CLEC12A: variants seen among roughly 807,000 people sequenced by gnomAD.
CLEC12A encodes C-type lectin protein CLL-1.
CLEC12A carries 22 observed loss-of-function variants against 26.5 expected under a neutral mutation model. That is an observed-to-expected ratio of 0.83 (90% CI 0.59 to 1.19). The LOEUF (loss-of-function observed/expected upper bound fraction) is 1.19, where lower values mean the gene tolerates loss of function less well. Among genes scored for constraint, CLEC12A ranks in the 50% most tolerant of loss-of-function variants. The probability of loss-of-function intolerance (pLI) is 0.00; values close to 1 mark genes in which losing one functional copy is unlikely to be tolerated. For synonymous variants in CLEC12A, 119 were observed against 101.9 expected, an observed-to-expected ratio of 1.17 and a Z score of -1.01; for missense variants, 353 against 315.6, an observed-to-expected ratio of 1.12 and a Z score of -0.90.
At chr12:9,978,899 A>C (rs1383687932) in intron 1 of CLEC12A, 67 bp from the exon 2 acceptor site, 2 of 1,083,334 alleles carry the variant, frequency 1.8e-6, no homozygotes, top group Non-Finnish European at 2.9e-6. Context: ...GAATGAATGA[A>C]TGAGTAAATA....
chr12:9,967,227 C>T (rs183945595), upstream of CLEC12A, among the ~76,000 whole-genome samples: 577 of 151,528 alleles, frequency 3.8e-3, 4 homozygotes, highest in Non-Finnish European at 6.1e-3. Flanking sequence ...AGGGGACAGG[C>T]GGGAGGGAAA....
At chr12:9,962,728 A>G (rs1254217414) in intron 1 of CLEC12A, among the ~76,000 whole-genome samples, 1 of 152,078 alleles carries the variant, frequency 6.6e-6, no homozygotes, top group Non-Finnish European at 1.5e-5. Flanking sequence ...GGAACAGACC[A>G]TTTTCACTTC....
At chr12:9,966,777 C>T (rs1316067537), upstream of CLEC12A, among the ~76,000 whole-genome samples, 3 of 143,670 alleles carry the variant, frequency 2.1e-5, no homozygotes, top group Non-Finnish European at 4.6e-5. Context: ...TATTTAATGT[C>T]GGGAGCAGAT....
rs148321036 is a variant in CLEC12A at position 9,984,815 on chromosome 12, G to C, written c.642-55G>C. 36 of 1,362,900 alleles carry C rather than the reference G, an allele frequency of 2.6e-5. No homozygotes were observed. In the African/African-American group the frequency reaches 5.2e-4, roughly 20 times the overall value. The allele number at this position is 1,362,900 out of a possible 1,614,324, so 84.4% of individuals were successfully genotyped here. A position where few individuals can be genotyped will look rare whatever the true frequency, so the allele number is the denominator to read the frequency against. ...TTGGAAGTGTAATTTTTTTTTCTGT[G>C]AATATGTTTCAAATATCTGACTTGC... On this transcript the variant is annotated intron_variant, in intron 5 of 5. Transcript: ENST00000304361.
At chr12:9,954,375 G>A (rs1395693378) in intron 1 of CLEC12A, among the ~76,000 whole-genome samples, 1 of 152,024 alleles carries the variant, frequency 6.6e-6, no homozygotes. Flanking sequence ...CATACCTGTA[G>A]TCCCAGCTAC....
chr12:9,973,800 C>G (rs1327674005), intron 1 of CLEC12A, among the ~76,000 whole-genome samples: 3 of 152,044 alleles, frequency 2.0e-5, no homozygotes, highest in Non-Finnish European at 2.9e-5. Context: ...GACAGACTTC[C>G]GTAATTTTTT....
At chr12:9,979,094 G>C in intron 2 of CLEC12A, 30 bp downstream of exon 2, 2 of 1,516,826 alleles carry the variant, frequency 1.3e-6, no homozygotes, top group Non-Finnish European at 1.8e-6. Context: ...TTGTCAAGAG[G>C]AAGTATCTAG....
In CLEC12A at chr12:9,983,455, GA is replaced by G. The variant is rs557433851; in HGVS notation, c.641+1333del. The G allele has an allele frequency of 2.6e-3, 1,788 of 684,586 alleles. 33 individuals are homozygous for G. The African/African-American group carries it at 0.029, about 11-fold the overall frequency. 42.4% of individuals were successfully genotyped at this position (684,586 alleles called of 1,614,324 possible). On this transcript the variant is annotated intron_variant, in intron 5 of 5. Transcript: ENST00000304361. Reference sequence around the variant, plus strand: ...GTTGTATTTGTTCTGCTTATAATGGGAAAAAAAGTCTTTACATATAAAAATA... The same window carrying G: ...GTTGTATTTGTTCTGCTTATAATGGGAAAAAAGTCTTTACATATAAAAATA...
chr12:9,989,201 C>A (rs1362721703), downstream of CLEC12A, among the ~76,000 whole-genome samples: 2 of 94,344 alleles, frequency 2.1e-5, no homozygotes, highest in East Asian at 3.4e-4. Flanking sequence ...CATCACACAC[C>A]GGGGCCTGTT....
chr12:9,981,999 G>T, intron 4 of CLEC12A, 21 bp from the exon 5 acceptor site: 1 of 1,194,330 alleles, frequency 8.4e-7, no homozygotes, highest in South Asian at 1.3e-5. Context: ...TTCTTAAACA[G>T]ACTATCTGTA....
chr12:9,974,920 C>T (rs965723041), intron 1 of CLEC12A, among the ~76,000 whole-genome samples: 2 of 152,090 alleles, frequency 1.3e-5, no homozygotes, highest in Non-Finnish European at 2.9e-5. Flanking sequence ...GTAATTGAAT[C>T]ATGGGAGCGG....
At chr12:9,962,422 T>C (rs747222571) in intron 1 of CLEC12A, among the ~76,000 whole-genome samples, 1 of 152,162 alleles carries the variant, frequency 6.6e-6, no homozygotes, top group Non-Finnish European at 1.5e-5. Context: ...CTTTCCCTTT[T>C]TTCCGTTATA....
At chr12:10,003,029 T>TTGA in the CLEC12A span, among the ~76,000 whole-genome samples, 4 of 152,322 alleles carry the variant, frequency 2.6e-5, no homozygotes, top group Admixed American at 2.0e-4. Flanking sequence ...CAACAAGATG[T>TTGA]TGACCACTGT....
At chr12:9,964,859 G>A (rs634645) in intron 1 of CLEC12A, among the ~76,000 whole-genome samples, 37,512 of 151,938 alleles carry the variant, frequency 0.25, 5,079 homozygotes, top group South Asian at 0.46. Context: ...ACGAAAGAAG[G>A]AAATATGAGG....
At chr12:9,974,316 C>T (rs1864247888) in intron 1 of CLEC12A, among the ~76,000 whole-genome samples, 1 of 152,118 alleles carries the variant, frequency 6.6e-6, no homozygotes, top group African/African-American at 2.4e-5. Flanking sequence ...AGATGGAATA[C>T]TCTGAAGCCC....
upstream of CLEC12A, among the ~76,000 whole-genome samples, chr12:9,967,941 T>G (rs1864003529): frequency 6.6e-6 from 1 of 152,160 alleles, no homozygotes; most frequent in South Asian, 2.1e-4. Flanking sequence ...GTCTTCCCAA[T>G]TCCGTGACTG....
At chr12:9,977,540 T>C (rs577903630) in intron 1 of CLEC12A, among the ~76,000 whole-genome samples, 2 of 152,320 alleles carry the variant, frequency 1.3e-5, no homozygotes, top group South Asian at 4.1e-4. Flanking sequence ...CCTTAAATTA[T>C]TGTCTTTGAA....
exon 5 of CLEC12A, chr12:9,995,588 A>T (rs1220292520): frequency 2.9e-6 from 1 of 343,956 alleles, no homozygotes; most frequent in Non-Finnish European, 5.6e-6. Flanking sequence ...GAGAAAGGAA[A>T]TACAAAGAAA....
chr12:9,971,505 A>C lies in CLEC12A; in HGVS notation c.-92A>C. 6.7e-7 allele frequency: 1 copy of C among 1,492,640 alleles called. No homozygotes were observed. Among genetic ancestry groups the C allele is most frequent in the African/African-American group, 1.4e-5 (1 of 70,704 alleles). The allele number at this position is 1,492,640 out of a possible 1,614,324, so 92.5% of individuals were successfully genotyped here. On this transcript the variant is annotated 5_prime_UTR_variant, in exon 1 of 6. Coordinates refer to ENST00000304361, the MANE Select transcript of CLEC12A (RefSeq NM_138337.6). ...GCTTCCGTTTATAAACAGAAGTTTA[A>C]AATTATAGGTCCTGTTTAACATTCA...
Sources: gnomAD v4.1 joint callset for allele counts (sites outside exome capture counted in the v4.1 genomes callset) on GRCh38, gnomAD v4.1.1 for gene constraint, MANE v1.5 for transcripts, NCBI Gene and HGNC (gene_info 2026-07-23, HGNC 2026-07-21) for gene names.